The following COL26A1 variants were observed in gnomAD, a reference collection of about 807,000 sequenced individuals.
The protein encoded by COL26A1 is collagen type XXVI alpha 1 chain.
Under a neutral mutation model 59.3 loss-of-function variants are expected in COL26A1, and 41 were observed. The observed-to-expected ratio is 0.69, with a 90% CI of 0.54 to 0.90. The LOEUF (loss-of-function observed/expected upper bound fraction) is 0.90. Among genes scored for constraint, COL26A1 ranks in the 40% least tolerant of loss-of-function variants. The pLI, the probability that COL26A1 is intolerant of heterozygous loss-of-function variation, is 0.00. For synonymous variants in COL26A1, 266 were observed against 256.0 expected (o/e 1.04, Z -0.37); for missense variants, 612 against 602.3 (o/e 1.02, Z -0.17).
At chr7:101,379,990 A>T (rs28689815) in intron 1 of COL26A1, among the ~76,000 whole-genome samples, 9,233 of 152,020 alleles carry the variant, frequency 0.061, 645 homozygotes, top group African/African-American at 0.16. Context: ...TTACTTACTT[A>T]CTTTCTTTTT....
intron 2 of COL26A1, among the ~76,000 whole-genome samples, chr7:101,421,814 C>T (rs985927774): frequency 6.6e-6 from 1 of 152,244 alleles, no homozygotes; most frequent in East Asian, 1.9e-4. Context: ...ATACGAACAT[C>T]CTGTTTCTCA....
intron 3 of COL26A1, among the ~76,000 whole-genome samples, chr7:101,519,361 A>C (rs1172888511): frequency 6.6e-6 from 1 of 152,166 alleles, no homozygotes; most frequent in Non-Finnish European, 1.5e-5. Flanking sequence ...CCCAGGCTGG[A>C]GTGCAGTAGT....
chr7:101,519,482 GC>G (rs1795095853), intron 3 of COL26A1, among the ~76,000 whole-genome samples: 1 of 152,150 alleles, frequency 6.6e-6, no homozygotes, highest in South Asian at 2.1e-4. Flanking sequence ...AGAGGGAGAG[GC>G]TGCCGGGCCC....
intron 3 of COL26A1, among the ~76,000 whole-genome samples, chr7:101,469,133 G>T (rs1793834338): frequency 6.6e-6 from 1 of 152,192 alleles, no homozygotes; most frequent in African/African-American, 2.4e-5. Flanking sequence ...GGGCCCTGGG[G>T]ACACTGTAGG....
chr7:101,489,784 T>C (rs970518279), intron 3 of COL26A1, among the ~76,000 whole-genome samples: 157 of 2,552 alleles, frequency 0.062, 27 homozygotes, highest in Non-Finnish European at 0.091. Flanking sequence ...CTTTCTTTCT[T>C]TCTTTCTTTC....
Position 101,466,699 on chromosome 7 carries a change from T to C in COL26A1, c.385+18912T>C, listed in dbSNP as rs370738034. On this transcript the variant is annotated intron_variant, in intron 3 of 12. Coordinates refer to ENST00000313669, the MANE Select transcript of COL26A1 (RefSeq NM_001278563.3). ...AGCGAGACCCTGTCTCCAAAAAATA[T>C]ATAAATAAATACAGACTGACTGATT... Among the ~76,000 whole-genome samples, 36 of 152,036 alleles carry C rather than the reference T, an allele frequency of 2.4e-4. No homozygotes were observed. The East Asian group carries it at 3.1e-3, about 13-fold the overall frequency.
intron 1 of COL26A1, among the ~76,000 whole-genome samples, chr7:101,366,554 G>A (rs1267652725): frequency 7.8e-6 from 1 of 127,944 alleles, no homozygotes; most frequent in African/African-American, 2.9e-5. Context: ...AGGCAGGAGC[G>A]TAATGGTGCA....
chr7:101,364,533 C>T (rs1790994740), intron 1 of COL26A1, among the ~76,000 whole-genome samples: 1 of 150,988 alleles, frequency 6.6e-6, no homozygotes, highest in Non-Finnish European at 1.5e-5. Flanking sequence ...ATTTGCTAGG[C>T]CTAGGAGCCA....
chr7:101,414,089 G>T (rs765431726), intron 1 of COL26A1, among the ~76,000 whole-genome samples: 2 of 152,154 alleles, frequency 1.3e-5, no homozygotes, highest in Admixed American at 6.5e-5. Flanking sequence ...GGATGCACAG[G>T]CTTTAGAGCT....
intron 1 of COL26A1, among the ~76,000 whole-genome samples, chr7:101,411,924 C>T (rs1792249809): frequency 6.6e-6 from 1 of 152,096 alleles, no homozygotes; most frequent in African/African-American, 2.4e-5. Flanking sequence ...GACAACAGAA[C>T]AAGACTCCAT....
chr7:101,465,884 C>T (rs1466383073), intron 3 of COL26A1, among the ~76,000 whole-genome samples: 1 of 152,090 alleles, frequency 6.6e-6, no homozygotes, highest in Non-Finnish European at 1.5e-5. Context: ...CACACGTGTT[C>T]CCCAAGATTG....
rs6951064 is a variant in COL26A1 at position 101,462,765 on chromosome 7, T to C, written c.385+14978T>C. On this transcript the variant is annotated intron_variant, in intron 3 of 12. Coordinates refer to ENST00000313669, the MANE Select transcript of COL26A1 (RefSeq NM_001278563.3). Reference sequence around the variant, plus strand: ...TCAGTAGCTGGCAGGGCAGGACCCATCATGAGAGTCCCAGAACTGGGGAAC... The same window carrying C: ...TCAGTAGCTGGCAGGGCAGGACCCACCATGAGAGTCCCAGAACTGGGGAAC... Among the ~76,000 whole-genome samples, 1,250 of 151,956 alleles carry C rather than the reference T, an allele frequency of 8.2e-3. 23 individuals carry two copies. Among genetic ancestry groups the C allele is most frequent in the African/African-American group, 0.029 (1,191 of 41,440 alleles).
At chr7:101,456,868 C>T (rs1252913980) in intron 3 of COL26A1, among the ~76,000 whole-genome samples, 1 of 152,084 alleles carries the variant, frequency 6.6e-6, no homozygotes, top group African/African-American at 2.4e-5. Context: ...ATACTCATTT[C>T]CATCAGCTCC....
chr7:101,384,129 C>G (rs949762740), intron 1 of COL26A1, among the ~76,000 whole-genome samples: 10 of 151,780 alleles, frequency 6.6e-5, no homozygotes, highest in Admixed American at 6.6e-4. Context: ...TCCTCCCATC[C>G]CAGCCTTCTG....
rs759690212 is a variant in COL26A1, at chr7:101,557,437, GA to G, written c.1234del (p.Arg412GlyfsTer121). The G allele has an allele frequency of 2.8e-5, 45 of 1,613,638 alleles. No individual in the cohort carries two copies. The South Asian group carries it at 4.4e-4, about 16-fold the overall frequency. The part of the protein sequence containing the change: ...AALRANLKMK[R>X]GGAQPDGVLA... ...CCCTGAGAGCCAACCTCAAGATGAA[GA>G]GGGGTGGCGCCCAACCCGATGGGGT... On this transcript the variant is annotated frameshift_variant, in exon 13 of 13. Transcript: ENST00000313669. LOFTEE classifies it high-confidence loss of function.
intron 3 of COL26A1, among the ~76,000 whole-genome samples, chr7:101,472,554 G>C (rs563737491): frequency 6.6e-6 from 1 of 152,226 alleles, no homozygotes; most frequent in East Asian, 1.9e-4. Flanking sequence ...GCCATGGAGG[G>C]GTTGTGCTAA....
intron 6 of COL26A1, among the ~76,000 whole-genome samples, chr7:101,544,387 C>G (rs781648577): frequency 6.6e-6 from 1 of 152,052 alleles, no homozygotes. Flanking sequence ...GCCACCACAC[C>G]TGGCTAATTT....
At chr7:101,489,929 CTCTCTCTT>C (rs1450596702) in intron 3 of COL26A1, among the ~76,000 whole-genome samples, 3 of 106,162 alleles carry the variant, frequency 2.8e-5, no homozygotes, top group Non-Finnish European at 5.5e-5. Context: ...TTGTCTCTCT[CTCTCTCTT>C]TCTTTCTTTC....
chr7:101,429,112 C>G lies in COL26A1; in HGVS notation c.281+9013C>G, dbSNP rs191825521. 4.9e-3 allele frequency among the ~76,000 whole-genome samples: 747 copies of G among 151,862 alleles called. 6 individuals carry two copies. The highest frequency in any genetic ancestry group is 7.6e-3 in the Non-Finnish European group (518 of 67,962). ...CTAATTTTTGTATTTTTAGTAGAGACAGGGTTTCACCATGTTAGCCAGGCT... is the reference window on the plus strand; with the variant it reads ...CTAATTTTTGTATTTTTAGTAGAGAGAGGGTTTCACCATGTTAGCCAGGCT... On this transcript the variant is annotated intron_variant, in intron 2 of 12. Coordinates refer to ENST00000313669, the MANE Select transcript of COL26A1 (RefSeq NM_001278563.3).
Sources: allele counts gnomAD v4.1 joint callset (sites outside exome capture counted in the v4.1 genomes callset), GRCh38; gene constraint gnomAD v4.1.1; transcripts MANE v1.5; gene names NCBI Gene and HGNC (gene_info 2026-07-23, HGNC 2026-07-21).